TMPRSS6: variants seen among roughly 807,000 people sequenced by gnomAD.
The protein encoded by TMPRSS6 is transmembrane serine protease 6, also known as transmembrane protease serine 6.
A neutral mutation model predicts 101.5 loss-of-function variants in TMPRSS6; 67 were observed. The ratio of observed to expected loss-of-function variants is 0.66; its 90% CI spans 0.54 to 0.81. The LOEUF (loss-of-function observed/expected upper bound fraction) is 0.81. Ranked by LOEUF, TMPRSS6 falls within the 30% of genes least tolerant of loss-of-function variation. The probability of loss-of-function intolerance (pLI) is 0.00; values close to 1 mark genes in which losing one functional copy is unlikely to be tolerated. For synonymous variants in TMPRSS6, 453 were observed against 464.9 expected (o/e 0.97, Z 0.33); for missense variants, 1,034 against 1,088.7 (o/e 0.95, Z 0.71).
chr22:37,080,726 CTT>C (rs2146091217), intron 10 of TMPRSS6, among the ~76,000 whole-genome samples: 1 of 152,344 alleles, frequency 6.6e-6, no homozygotes, highest in African/African-American at 2.4e-5. Context: ...ACCCTGGACC[CTT>C]AATGAAAGTC....
chr22:37,091,555 C>A (rs1397659909), intron 6 of TMPRSS6, among the ~76,000 whole-genome samples: 6 of 152,210 alleles, frequency 3.9e-5, no homozygotes, highest in Admixed American at 3.9e-4. Context: ...ATGGGCCATA[C>A]AAAATCAGGC....
chr22:37,107,237 C>T (rs1047531660), intron 1 of TMPRSS6, among the ~76,000 whole-genome samples: 2 of 152,176 alleles, frequency 1.3e-5, no homozygotes, highest in African/African-American at 4.8e-5. Flanking sequence ...CTATCTTTGT[C>T]TAGCACCTGC....
In TMPRSS6 at chr22:37,069,345, CTGGGGTGGGGTGGGG is replaced by C. The variant is rs60484081; in HGVS notation, c.1842-16_1842-2del. ...GGTCCACAGCACCGTGGAGGCCATG[CTGGGGTGGGGTGGGG>C]TGGGGTGGGGTGGGGTGAGGTGAGG... On this transcript the variant is annotated splice_acceptor_variant and splice_polypyrimidine_tract_variant and intron_variant, in intron 15 of 17. Coordinates refer to ENST00000676104, the MANE Select transcript of TMPRSS6 (RefSeq NM_001374504.1). LOFTEE classifies it high-confidence loss of function. The surrounding 1 kb of genome is among the most constrained non-coding windows in gnomAD (Gnocchi z 4.8). 5.8e-4 allele frequency: 243 copies of C among 418,010 alleles called. 12 individuals carry two copies. The highest frequency in any genetic ancestry group is 2.2e-3 in the Middle Eastern group (4 of 1,800). The allele number at this position is 418,010 out of a possible 1,614,324, so 25.9% of individuals were successfully genotyped here.
intron 11 of TMPRSS6, 103 bp from the exon 12 acceptor site, chr22:37,074,811 G>T (rs139616588): frequency 3.4e-6 from 4 of 1,188,776 alleles, no homozygotes; most frequent in East Asian, 2.5e-5. Context: ...ACTCACACGC[G>T]CATGGACAGG....
At chr22:37,109,176 T>C (rs772443774) in intron 1 of TMPRSS6, among the ~76,000 whole-genome samples, 1 of 152,126 alleles carries the variant, frequency 6.6e-6, no homozygotes, top group African/African-American at 2.4e-5. Context: ...GGGGGCAGCA[T>C]GTCCAGTCCT....
rs374472034 is a variant in TMPRSS6, at chr22:37,098,538, C to T, written c.214G>A (p.Glu72Lys). ...LLWYFLGYKA[E>K]VMVSQVYSGS... Reference sequence around the variant, plus strand: ...GAGTACACCTGGCTGACCATCACCTCCGCCTTGTACCCTGCCCAGGAAGGA... The same window carrying T: ...GAGTACACCTGGCTGACCATCACCTTCGCCTTGTACCCTGCCCAGGAAGGA... Residue 72 changes from glutamate to lysine, a missense_variant, in exon 3 of 18, where the codon GAG (glutamate) becomes AAG (lysine). Glu to Lys is a moderately conservative substitution (Grantham distance 56, BLOSUM62 1). Transcript: ENST00000676104. 1.9e-5 allele frequency: 31 copies of T among 1,614,132 alleles called. No individual in the cohort carries two copies. The highest frequency in any genetic ancestry group is 2.6e-5 in the Non-Finnish European group (31 of 1,180,012).
chr22:37,066,892 A>G lies in TMPRSS6; in HGVS notation c.2184T>C (p.Tyr728=). The G allele has an allele frequency of 6.2e-7, 1 of 1,614,148 alleles. No individual in the cohort carries two copies. Among genetic ancestry groups the G allele is most frequent in the Non-Finnish European group, 8.5e-7 (1 of 1,180,036 alleles). The change falls in exon 17 of 18, where the codon TAT becomes TAC. Residue 728 remains tyrosine (Y), a synonymous_variant. Coordinates refer to ENST00000676104, the MANE Select transcript of TMPRSS6 (RefSeq NM_001374504.1). ...LIPQDLCSEV[Y]RYQVTPRMLC... ...GCATGCGTGGCGTCACCTGGTAGCG[A>G]TAGACCTCGCTGCACAGGTCCTGTG...
At chr22:37,082,491 T>C (rs1323918277) in intron 10 of TMPRSS6, 1 of 163,650 alleles carries the variant, frequency 6.1e-6, no homozygotes, top group Non-Finnish European at 1.4e-5. Flanking sequence ...CTGTGAATCA[T>C]GGATCCATCT....
chr22:37,065,981 T>TC lies in TMPRSS6; in HGVS notation c.*98dup. ...TCCTGCCACCACAGGGCCTGCTCTC[T>TC]CCCCCACCCCCCGCCAGAATACTTG... is the stretch of plus-strand genomic sequence containing the variant. On this transcript the variant is annotated 3_prime_UTR_variant, in exon 18 of 18. Coordinates refer to ENST00000676104, the MANE Select transcript of TMPRSS6 (RefSeq NM_001374504.1). The TC allele has an allele frequency of 2.0e-6, 3 of 1,532,334 alleles. No individual in the cohort carries two copies. In the East Asian group the frequency reaches 6.8e-5, roughly 35 times the overall value. 94.9% of individuals were successfully genotyped at this position (1,532,334 alleles called of 1,614,324 possible).
At chr22:37,068,923 G>A in intron 16 of TMPRSS6, 150 bp downstream of exon 16, 2 of 1,372,574 alleles carry the variant, frequency 1.5e-6, no homozygotes, top group Non-Finnish European at 1.9e-6. Context: ...GTTTTCTACC[G>A]TAAAATTCAG....
chr22:37,100,091 G>A lies in TMPRSS6; in HGVS notation c.203-1542C>T, dbSNP rs188660165. Among the ~76,000 whole-genome samples, 1,347 of 152,136 alleles carry A rather than the reference G, an allele frequency of 8.9e-3. 41 individuals carry two copies. The highest frequency in any genetic ancestry group is 0.064 in the Admixed American group (979 of 15,274). ...CAAGCGATTCTCCTGCCTCAGCCTC[G>A]CAAGTAGCTGGGATTACAGGCATGC... On this transcript the variant is annotated intron_variant, in intron 2 of 17. Coordinates refer to ENST00000676104, the MANE Select transcript of TMPRSS6 (RefSeq NM_001374504.1).
chr22:37,083,622 G>C (rs1928433766), intron 10 of TMPRSS6, among the ~76,000 whole-genome samples: 1 of 152,274 alleles, frequency 6.6e-6, no homozygotes, highest in African/African-American at 2.4e-5. Flanking sequence ...GCCAGGCCCA[G>C]TGGGCACCTA....
chr22:37,109,434 T>C (rs574416178), intron 1 of TMPRSS6, 69 bp downstream of exon 1: 2 of 152,486 alleles, frequency 1.3e-5, no homozygotes, highest in Admixed American at 1.3e-4. Flanking sequence ...CAGGCCCAGC[T>C]CTTAGGGTGG....
intron 17 of TMPRSS6, 34 bp downstream of exon 17, chr22:37,066,792 C>A: frequency 1.2e-6 from 2 of 1,612,998 alleles, no homozygotes; most frequent in Non-Finnish European, 1.7e-6. Context: ...ATCCTTTCTC[C>A]CTCCTCTCTC....
Position 37,070,629 on chromosome 22 carries a change from T to C in TMPRSS6, c.1696A>G (p.Ser566Gly), listed in dbSNP as rs1926806057. 2 of 1,612,298 alleles carry C rather than the reference T, an allele frequency of 1.2e-6. No individual in the cohort carries two copies. ...GACACAGCTCCACCAACAATGCGGC[T>C]GGAGGGGCCCTGGAGGCCACAGTCT... ...HCDCGLQGPS[S>G]RIVGGAVSSE... The change falls in exon 15 of 18, where the codon AGC (serine) becomes GGC (glycine). Residue 566 changes from serine (S) to glycine (G), a missense_variant. Physicochemically the swap from Ser to Gly is moderately conservative, Grantham distance 56. Transcript: ENST00000676104.
chr22:37,096,400 C>T (rs1445904254), intron 4 of TMPRSS6, among the ~76,000 whole-genome samples: 2 of 152,224 alleles, frequency 1.3e-5, no homozygotes, highest in Non-Finnish European at 2.9e-5. Context: ...ATCGCCTCGC[C>T]TGATGGTGTC....
chr22:37,097,102 C>A (rs912069130), intron 3 of TMPRSS6, among the ~76,000 whole-genome samples: 20 of 143,646 alleles, frequency 1.4e-4, no homozygotes, highest in African/African-American at 5.2e-4. Context: ...CCAACTACAG[C>A]GCTGCTGGCA....
chr22:37,082,260 A>G (rs1928328108), intron 10 of TMPRSS6, among the ~76,000 whole-genome samples: 1 of 152,088 alleles, frequency 6.6e-6, no homozygotes, highest in African/African-American at 2.4e-5. Context: ...AATGCACTGA[A>G]CGCCTGTCTT....
At chr22:37,072,116 T>TGATG (rs373393298) in intron 13 of TMPRSS6, among the ~76,000 whole-genome samples, 4,113 of 139,868 alleles carry the variant, frequency 0.029, 242 homozygotes, top group African/African-American at 0.11. Flanking sequence ...GATGGACGGA[T>TGATG]GATGGATGGA....
Sources: gnomAD v4.1 joint callset for allele counts (sites outside exome capture counted in the v4.1 genomes callset) on GRCh38, gnomAD v4.1.1 for gene constraint, Gnocchi (gnomAD v3.1) non-coding constraint, MANE v1.5 for transcripts, NCBI Gene and HGNC (gene_info 2026-07-23, HGNC 2026-07-21) for gene names.